Variants in ITGA9 observed in about 807,000 individuals in gnomAD.
The protein encoded by ITGA9 is integrin subunit alpha 9, also known as integrin alpha-9.
Under a neutral mutation model 127.8 loss-of-function variants are expected in ITGA9, and 56 were observed. That is an observed-to-expected ratio of 0.44 (90% CI 0.35 to 0.55). The LOEUF (loss-of-function observed/expected upper bound fraction) is 0.55, where lower values mean the gene tolerates loss of function less well. Among genes scored for constraint, ITGA9 ranks in the 20% least tolerant of loss-of-function variants. The pLI, the probability that ITGA9 is intolerant of heterozygous loss-of-function variation, is 0.00. For synonymous variants in ITGA9, 508 were observed against 514.5 expected (o/e 0.99, Z 0.17); for missense variants, 1,196 against 1,347.1 (o/e 0.89, Z 1.76).
intron 26 of ITGA9, among the ~76,000 whole-genome samples, chr3:37,803,263 G>A (rs906114296): frequency 1.6e-4 from 24 of 152,184 alleles, no homozygotes; most frequent in African/African-American, 5.6e-4. Flanking sequence ...TTCACTTCAT[G>A]ATATTTAAAT....
chr3:37,533,189 A>T, intron 13 of ITGA9, 125 bp from the exon 14 acceptor site: 1 of 900,700 alleles, frequency 1.1e-6, no homozygotes, highest in Admixed American at 1.8e-5. Context: ...CTCTCTTGGG[A>T]TATTTCATGC....
chr3:37,535,415 G>T (rs375616152), intron 14 of ITGA9, among the ~76,000 whole-genome samples: 27 of 152,306 alleles, frequency 1.8e-4, no homozygotes, highest in African/African-American at 5.8e-4. Flanking sequence ...GGAGATGTGG[G>T]TGCCTCCTCA....
Position 37,494,398 on chromosome 3 carries a change from G to A in ITGA9, c.545-103G>A, listed in dbSNP as rs376598971. 3.4e-5 allele frequency: 28 copies of A among 811,972 alleles called. 1 individual carries two copies. Among genetic ancestry groups the A allele is most frequent in the Middle Eastern group, 4.8e-4 (2 of 4,202 alleles). The allele number at this position is 811,972 out of a possible 1,614,324, so 50.3% of individuals were successfully genotyped here. A position where few individuals can be genotyped will look rare whatever the true frequency, so the allele number is the denominator to read the frequency against. The stretch of plus-strand genomic sequence containing the variant: ...ATGGCATCCCTGGGCCCAGCCTGCC[G>A]CGGCACTCGTGGGAAGTGGCTGGCT... On this transcript the variant is annotated intron_variant, in intron 4 of 27. Transcript: ENST00000264741.
intron 23 of ITGA9, among the ~76,000 whole-genome samples, chr3:37,751,878 A>C (rs72860935): frequency 0.053 from 7,995 of 152,272 alleles, 504 homozygotes; most frequent in South Asian, 0.14. Context: ...AGGATGGCCA[A>C]GTCTCCATCT....
chr3:37,550,917 T>G (rs1042781601), intron 15 of ITGA9, among the ~76,000 whole-genome samples: 11 of 152,216 alleles, frequency 7.2e-5, no homozygotes, highest in African/African-American at 1.7e-4. Context: ...GGTGCTTGTT[T>G]GTTCCATGGG....
chr3:37,797,193 G>A lies in ITGA9; in HGVS notation c.2890-6630G>A, dbSNP rs368841745. Among the ~76,000 whole-genome samples, 268 of 152,272 alleles carry A rather than the reference G, an allele frequency of 1.8e-3. 1 individual carries two copies. The highest frequency in any genetic ancestry group is 5.9e-3 in the African/African-American group (245 of 41,540). On this transcript the variant is annotated intron_variant, in intron 26 of 27. Transcript: ENST00000264741. Reference sequence around the variant, plus strand: ...TAATAATAATAATAATTAGTTGGCTGTGGTGGTGTTTGCCTGTAGTCCCAG... The same window carrying A: ...TAATAATAATAATAATTAGTTGGCTATGGTGGTGTTTGCCTGTAGTCCCAG...
intron 15 of ITGA9, among the ~76,000 whole-genome samples, chr3:37,618,061 T>G (rs895174936): frequency 1.6e-4 from 24 of 152,356 alleles, no homozygotes; most frequent in African/African-American, 5.1e-4. Flanking sequence ...TTTCCAGTTT[T>G]TCTGCTCTGT....
intron 23 of ITGA9, among the ~76,000 whole-genome samples, chr3:37,759,078 CA>C (rs1696692413): frequency 3.3e-5 from 2 of 61,216 alleles, no homozygotes; most frequent in South Asian, 7.8e-4. Flanking sequence ...TATATATACC[CA>C]CACACACACA....
At chr3:37,775,578 G>A (rs553881495) in intron 23 of ITGA9, among the ~76,000 whole-genome samples, 5 of 151,742 alleles carry the variant, frequency 3.3e-5, no homozygotes, top group South Asian at 2.1e-4. Flanking sequence ...CCCAGGAGGC[G>A]GAGCTTGCAG....
At position 37,669,615 on chromosome 3, in the gene ITGA9, T is replaced by C. The variant is rs184943838; in HGVS notation, c.1917-14250T>C. ...AGTTTCAAAAGGAAATCAAATCCAA[T>C]GTATTTATCAGACATTAGTGGGAGA... On this transcript the variant is annotated intron_variant, in intron 17 of 27. Transcript: ENST00000264741. Among the ~76,000 whole-genome samples the C allele has an allele frequency of 3.3e-5, 5 of 152,336 alleles. No homozygotes were observed. In the East Asian group the frequency reaches 9.6e-4, roughly 29 times the overall value.
chr3:37,455,532 A>T (rs890907412), intron 1 of ITGA9, among the ~76,000 whole-genome samples: 5 of 152,192 alleles, frequency 3.3e-5, no homozygotes, highest in South Asian at 2.1e-4. Context: ...GGGGTGACTT[A>T]AAAGGATCAC....
intron 14 of ITGA9, among the ~76,000 whole-genome samples, chr3:37,540,746 A>G (rs1292243879): frequency 2.6e-5 from 4 of 152,050 alleles, no homozygotes; most frequent in Non-Finnish European, 2.9e-5. Flanking sequence ...TTTTCTTGCT[A>G]TTGTCCCCAT....
chr3:37,473,724 T>TTG (rs74279281), intron 3 of ITGA9, among the ~76,000 whole-genome samples: 33,177 of 152,118 alleles, frequency 0.22, 4,408 homozygotes, highest in Non-Finnish European at 0.31. Context: ...ACATAGGTAT[T>TTG]TGTGTGTGTG....
intron 15 of ITGA9, among the ~76,000 whole-genome samples, chr3:37,574,359 A>G (rs1236955377): frequency 2.6e-5 from 4 of 152,228 alleles, no homozygotes; most frequent in Admixed American, 2.6e-4. Flanking sequence ...GGTTAAGTAG[A>G]GAGTAAAATC....
At chr3:37,763,727 G>T (rs1696747713) in intron 23 of ITGA9, among the ~76,000 whole-genome samples, 1 of 152,190 alleles carries the variant, frequency 6.6e-6, no homozygotes, top group Non-Finnish European at 1.5e-5. Context: ...AGCCAGACCT[G>T]GCACTTTAAA....
intron 15 of ITGA9, among the ~76,000 whole-genome samples, chr3:37,628,047 C>G (rs1463042284): frequency 6.6e-6 from 1 of 152,172 alleles, no homozygotes; most frequent in Non-Finnish European, 1.5e-5. Context: ...CTACTCTGCT[C>G]CAAACGCCCC....
intron 15 of ITGA9, among the ~76,000 whole-genome samples, chr3:37,594,213 T>G (rs894162957): frequency 1.3e-5 from 2 of 152,056 alleles, no homozygotes; most frequent in African/African-American, 4.8e-5. Flanking sequence ...GAGATAGGGG[T>G]CTGGCCCCAT....
chr3:37,573,100 T>C (rs535346561), intron 15 of ITGA9: 2 of 152,306 alleles, frequency 1.3e-5, no homozygotes, highest in East Asian at 3.9e-4. Flanking sequence ...TGGCCCAGGC[T>C]CCACAGGCAG....
At chr3:37,599,635 T>C (rs767658885) in intron 15 of ITGA9, among the ~76,000 whole-genome samples, 7 of 152,214 alleles carry the variant, frequency 4.6e-5, no homozygotes, top group Non-Finnish European at 8.8e-5. Flanking sequence ...ATTGTGGTCA[T>C]ATGCAGTGGA....
Sources: gnomAD v4.1 joint callset for allele counts (sites outside exome capture counted in the v4.1 genomes callset) on GRCh38, gnomAD v4.1.1 for gene constraint, MANE v1.5 for transcripts, NCBI Gene and HGNC (gene_info 2026-07-23, HGNC 2026-07-21) for gene names.